The following HDAC9 variants were observed in gnomAD, a reference collection of about 807,000 sequenced individuals.
HDAC9 encodes histone deacetylase 9.
In HDAC9, 41 loss-of-function variants were observed where a neutral mutation model predicts 139.4. That is an observed-to-expected ratio of 0.29 (90% CI 0.23 to 0.38). HDAC9 has a LOEUF of 0.38. Ranked by LOEUF, HDAC9 falls within the 10% of genes least tolerant of loss-of-function variation. HDAC9 has a pLI of 1.00. For synonymous variants in HDAC9, 517 were observed against 476.2 expected, an observed-to-expected ratio of 1.09 and a Z score of -1.12; for missense variants, 1,147 against 1,297.0, an observed-to-expected ratio of 0.88 and a Z score of 1.78.
chr7:18,270,049 C>G (rs1307391288), intron 2 of HDAC9, among the ~76,000 whole-genome samples: 1 of 151,878 alleles, frequency 6.6e-6, no homozygotes, highest in Non-Finnish European at 1.5e-5. Flanking sequence ...CAGTCATATC[C>G]CTGGCTTCTA....
chr7:18,932,846 AAAAAAG>A (rs1284289883), intron 22 of HDAC9, among the ~76,000 whole-genome samples: 2 of 144,440 alleles, frequency 1.4e-5, no homozygotes, highest in Admixed American at 6.9e-5. Context: ...GAAGGAAGGA[AAAAAAG>A]AAAGAAAGAA....
intron 1 of HDAC9, among the ~76,000 whole-genome samples, chr7:18,122,904 G>A (rs1310323888): frequency 6.6e-6 from 1 of 152,164 alleles, no homozygotes; most frequent in African/African-American, 2.4e-5. Context: ...GAGCCACAGT[G>A]CCCAGCCTGG....
chr7:18,096,726 C>A (rs569251738), intron 1 of HDAC9, among the ~76,000 whole-genome samples: 1 of 152,134 alleles, frequency 6.6e-6, no homozygotes, highest in Non-Finnish European at 1.5e-5. Context: ...TGCTGATTGA[C>A]CGATTATTAA....
chr7:18,833,651 T>C (rs1282755367), intron 19 of HDAC9, among the ~76,000 whole-genome samples: 1 of 152,208 alleles, frequency 6.6e-6, no homozygotes, highest in Non-Finnish European at 1.5e-5. Flanking sequence ...GGAATTGATA[T>C]AATTTGACTA....
At chr7:18,987,212 G>C (rs1007010248) in intron 25 of HDAC9, among the ~76,000 whole-genome samples, 3 of 152,166 alleles carry the variant, frequency 2.0e-5, no homozygotes, top group African/African-American at 7.2e-5. Flanking sequence ...GTTTGTCATA[G>C]ATAGCTCTTA....
chr7:18,219,951 A>G (rs1019274283), intron 2 of HDAC9, among the ~76,000 whole-genome samples: 4 of 152,172 alleles, frequency 2.6e-5, no homozygotes, highest in African/African-American at 9.7e-5. Flanking sequence ...TGGTCCTTTC[A>G]GCCTGTTTTC....
At chr7:18,625,201 A>G (rs1269817851) in intron 6 of HDAC9, among the ~76,000 whole-genome samples, 7 of 152,176 alleles carry the variant, frequency 4.6e-5, no homozygotes, top group Admixed American at 1.3e-4. Flanking sequence ...TTCCAAGTAT[A>G]AAATTTATTG....
chr7:18,456,486 C>T (rs1189027010), intron 1 of HDAC9, among the ~76,000 whole-genome samples: 3 of 152,100 alleles, frequency 2.0e-5, no homozygotes, highest in Non-Finnish European at 2.9e-5. Context: ...CCACCCACGT[C>T]GGCCTCCCAA....
intron 22 of HDAC9, among the ~76,000 whole-genome samples, chr7:18,896,616 T>C (rs1801222154): frequency 6.6e-6 from 1 of 152,134 alleles, no homozygotes; most frequent in Admixed American, 6.6e-5. Flanking sequence ...GGCATGATCT[T>C]CTTTGTCCCT....
intron 17 of HDAC9, among the ~76,000 whole-genome samples, chr7:18,806,693 T>A (rs945585413): frequency 1.3e-5 from 2 of 152,220 alleles, no homozygotes; most frequent in African/African-American, 4.8e-5. Flanking sequence ...CAGGAAAGGA[T>A]GCTGAATTTT....
intron 2 of HDAC9, among the ~76,000 whole-genome samples, chr7:18,197,888 T>C (rs1026533916): frequency 1.3e-5 from 2 of 152,216 alleles, no homozygotes; most frequent in Non-Finnish European, 2.9e-5. Flanking sequence ...ATCTTGACTT[T>C]GCACTTAGAT....
intron 1 of HDAC9, chr7:18,327,516 G>A (rs1180556020): frequency 2.6e-5 from 4 of 151,654 alleles, no homozygotes; most frequent in African/African-American, 4.8e-5. Flanking sequence ...CTAATTAAAC[G>A]GTTACACAAC....
chr7:18,738,069 C>A lies in HDAC9; in HGVS notation c.1909+10312C>A, dbSNP rs1304507676. On this transcript the variant is annotated intron_variant, in intron 13 of 25. Transcript: ENST00000686413. ...GGTTTAAAGTCTGTTTTATCAGAGA[C>A]TAGGATTGCAACCCCTGCTTTTTTT... Among the ~76,000 whole-genome samples the A allele has an allele frequency of 2.1e-5, 3 of 146,338 alleles. No individual in the cohort carries two copies. In the Admixed American group the frequency reaches 2.1e-4, roughly 10 times the overall value.
chr7:18,360,860 T>C (rs1410534583), intron 1 of HDAC9, among the ~76,000 whole-genome samples: 1 of 152,226 alleles, frequency 6.6e-6, no homozygotes, highest in Non-Finnish European at 1.5e-5. Context: ...ATGATTGATT[T>C]TCATACTAGA....
At chr7:18,242,607 A>C (rs1414539343) in intron 2 of HDAC9, among the ~76,000 whole-genome samples, 3 of 152,218 alleles carry the variant, frequency 2.0e-5, no homozygotes, top group African/African-American at 7.2e-5. Flanking sequence ...TAAGGAATAG[A>C]GACAGTATTA....
intron 1 of HDAC9, among the ~76,000 whole-genome samples, chr7:18,440,176 CTCTTTTTTTTT>C (rs991042847): frequency 8.7e-5 from 13 of 149,488 alleles, no homozygotes; most frequent in African/African-American, 2.0e-4. Context: ...CTAGGTTTAC[CTCTTTTTTTTT>C]TCTTTTTTTT....
At chr7:18,604,460 G>A (rs1834863614) in intron 6 of HDAC9, among the ~76,000 whole-genome samples, 1 of 151,288 alleles carries the variant, frequency 6.6e-6, no homozygotes, top group Non-Finnish European at 1.5e-5. Flanking sequence ...AGGCTGGAGT[G>A]CAGTGGCGTG....
intron 1 of HDAC9, among the ~76,000 whole-genome samples, chr7:18,413,521 T>G (rs538959214): frequency 6.6e-6 from 1 of 152,282 alleles, no homozygotes; most frequent in African/African-American, 2.4e-5. Flanking sequence ...TTTCACTGTT[T>G]ATTACTACAT....
intron 1 of HDAC9, among the ~76,000 whole-genome samples, chr7:18,428,048 T>G (rs567391486): frequency 2.0e-5 from 3 of 152,238 alleles, no homozygotes; most frequent in Non-Finnish European, 4.4e-5. Flanking sequence ...ATTCATTTTG[T>G]CGCATATGGC....
Sources: allele counts gnomAD v4.1 joint callset (sites outside exome capture counted in the v4.1 genomes callset), GRCh38; gene constraint gnomAD v4.1.1; transcripts MANE v1.5; gene names NCBI Gene and HGNC (gene_info 2026-07-23, HGNC 2026-07-21).